The following CCDC60 variants were observed in gnomAD, a reference collection of about 807,000 sequenced individuals.
The protein encoded by CCDC60 is coiled-coil domain-containing protein 60.
CCDC60 carries 54 observed loss-of-function variants against 63.5 expected under a neutral mutation model. That is an observed-to-expected ratio of 0.85 (90% CI 0.68 to 1.07). The LOEUF (loss-of-function observed/expected upper bound fraction) is 1.07. CCDC60 is among the 50% of genes least tolerant of loss of function. The pLI, the probability that CCDC60 is intolerant of heterozygous loss-of-function variation, is 0.00. For synonymous variants in CCDC60, 206 were observed against 238.8 expected (o/e 0.86, Z 1.27); for missense variants, 651 against 684.3 (o/e 0.95, Z 0.54).
At chr12:119,519,399 ATATGTGTGTGTGTG>A (rs931587689) in intron 8 of CCDC60, among the ~76,000 whole-genome samples, 6 of 99,900 alleles carry the variant, frequency 6.0e-5, no homozygotes, top group Non-Finnish European at 1.2e-4. Context: ...GTAGTGATAT[ATATGTGTGTGTGTG>A]TGTGTGTGTG....
intron 4 of CCDC60, among the ~76,000 whole-genome samples, chr12:119,484,445 G>C (rs1951392225): frequency 2.0e-5 from 3 of 152,036 alleles, no homozygotes; most frequent in African/African-American, 7.2e-5. Context: ...TACAGGTGCA[G>C]TGGCTCACGT....
intron 2 of CCDC60, among the ~76,000 whole-genome samples, chr12:119,446,018 C>T (rs750923672): frequency 5.9e-5 from 9 of 152,072 alleles, no homozygotes; most frequent in African/African-American, 9.7e-5. Flanking sequence ...CAGATCACCA[C>T]TAAAGAACTT....
In CCDC60 at chr12:119,396,054, C is replaced by T. The variant is rs183572545; in HGVS notation, c.91-32629C>T. On this transcript the variant is annotated intron_variant, in intron 1 of 13. Transcript: ENST00000327554. ...CCGGGTTCAAGCGATTCCTCTCCCT[C>T]AGCCTCCCAAGTAGCTGGGATTACA... Among the ~76,000 whole-genome samples, 379 of 152,274 alleles carry T rather than the reference C, an allele frequency of 2.5e-3. 1 individual carries two copies. The highest frequency in any genetic ancestry group is 4.3e-3 in the Non-Finnish European group (293 of 68,016).
chr12:119,455,865 G>A (rs369289828), intron 2 of CCDC60, among the ~76,000 whole-genome samples: 1 of 146,430 alleles, frequency 6.8e-6, no homozygotes, highest in East Asian at 2.0e-4. Context: ...AAAGAAAAGG[G>A]AGGGAAGGAA....
intron 1 of CCDC60, among the ~76,000 whole-genome samples, chr12:119,397,587 C>CA (rs1464534529): frequency 6.6e-6 from 1 of 150,474 alleles, no homozygotes; most frequent in East Asian, 2.0e-4. Flanking sequence ...GTTGCATATA[C>CA]AATCTTCCAG....
At chr12:119,492,258 A>G (rs1421830453) in intron 5 of CCDC60, among the ~76,000 whole-genome samples, 1 of 152,188 alleles carries the variant, frequency 6.6e-6, no homozygotes, top group Non-Finnish European at 1.5e-5. Context: ...TAGGAGGTGA[A>G]GAACAATGAT....
chr12:119,531,059 T>C lies in CCDC60; in HGVS notation c.1547T>C (p.Ile516Thr), dbSNP rs748408744. Residue 516 changes from isoleucine (I) to threonine (T), a missense_variant, in exon 13 of 14, where the codon ATT becomes ACT. Coordinates refer to ENST00000327554, the MANE Select transcript of CCDC60 (RefSeq NM_178499.5). Reference sequence around the variant, plus strand: ...TGCTCCCCTGACATCGCTGTGGCTATTGAGGTAAACACCACCTCCTTCCCC... The same window carrying C: ...TGCTCCCCTGACATCGCTGTGGCTACTGAGGTAAACACCACCTCCTTCCCC... Reference protein sequence around the residue: ...ELCSPDIAVAIEFVREHIIHM... With the variant: ...ELCSPDIAVATEFVREHIIHM... 36 of 1,613,456 alleles carry C rather than the reference T, an allele frequency of 2.2e-5. No individual in the cohort carries two copies. The highest frequency in any genetic ancestry group is 6.6e-5 in the South Asian group (6 of 90,984).
chr12:119,375,432 A>G (rs1278465340), intron 1 of CCDC60, among the ~76,000 whole-genome samples: 1 of 152,204 alleles, frequency 6.6e-6, no homozygotes, highest in Non-Finnish European at 1.5e-5. Flanking sequence ...CTCACCAGCT[A>G]GTACACCATT....
chr12:119,418,660 C>T (rs1190586066), intron 1 of CCDC60, among the ~76,000 whole-genome samples: 2 of 151,936 alleles, frequency 1.3e-5, no homozygotes, highest in African/African-American at 4.8e-5. Context: ...GGTGATCCAC[C>T]CACCTCAACC....
chr12:119,515,209 C>T (rs759367335), intron 7 of CCDC60, among the ~76,000 whole-genome samples: 2 of 152,192 alleles, frequency 1.3e-5, no homozygotes, highest in African/African-American at 4.8e-5. Flanking sequence ...ATAAGGTCAT[C>T]GACTGAGGTC....
chr12:119,502,532 G>C (rs892038922), intron 6 of CCDC60, among the ~76,000 whole-genome samples: 1 of 152,198 alleles, frequency 6.6e-6, no homozygotes, highest in Non-Finnish European at 1.5e-5. Flanking sequence ...GCAAGCCAGT[G>C]CCTGTCACAT....
chr12:119,384,941 G>C (rs539451374), intron 1 of CCDC60, among the ~76,000 whole-genome samples: 8 of 152,160 alleles, frequency 5.3e-5, no homozygotes, highest in Middle Eastern at 3.2e-3. Context: ...ATTGAGTGGG[G>C]GGGCTGATAT....
At chr12:119,431,176 T>C (rs1950222308) in intron 2 of CCDC60, among the ~76,000 whole-genome samples, 2 of 152,240 alleles carry the variant, frequency 1.3e-5, no homozygotes, top group Middle Eastern at 3.4e-3. Flanking sequence ...GGAATTGCAA[T>C]AGAGAAAGAG....
intron 5 of CCDC60, among the ~76,000 whole-genome samples, chr12:119,489,129 C>A (rs747103466): frequency 1.8e-4 from 28 of 152,258 alleles, no homozygotes; most frequent in South Asian, 8.3e-4. Flanking sequence ...TTGAAATCAG[C>A]CAGCCACATG....
In CCDC60 at chr12:119,420,950, G is replaced by A. The variant is rs530030018; in HGVS notation, c.91-7733G>A. 3.9e-5 allele frequency among the ~76,000 whole-genome samples: 6 copies of A among 152,236 alleles called. No homozygotes were observed. The highest frequency in any genetic ancestry group is 1.9e-4 in the East Asian group (1 of 5,188). On this transcript the variant is annotated intron_variant, in intron 1 of 13. Transcript: ENST00000327554. This position sits in a 1 kb window ranked among gnomAD's most constrained non-coding sequence, Gnocchi z 4.1. Reference sequence around the variant, plus strand: ...ATGTGTGTACTCCTGCCATGATCCCGCCTACTCTGTTCTTTACAGCTTCTC... The same window carrying A: ...ATGTGTGTACTCCTGCCATGATCCCACCTACTCTGTTCTTTACAGCTTCTC...
intron 4 of CCDC60, among the ~76,000 whole-genome samples, chr12:119,481,984 AT>A (rs1270863890): frequency 7.4e-6 from 1 of 134,596 alleles, no homozygotes; most frequent in African/African-American, 2.7e-5. Flanking sequence ...TAGTATATAT[AT>A]GTATATATAT....
chr12:119,523,722 A>G lies in CCDC60; in HGVS notation c.1133A>G (p.Tyr378Cys), dbSNP rs1372846940. 14 of 1,614,118 alleles carry G rather than the reference A, an allele frequency of 8.7e-6. No homozygotes were observed. The highest frequency in any genetic ancestry group is 3.3e-5 in the South Asian group (3 of 91,078). ...NRTNCDINIH[Y>C]KSGVCNTMRA... ...ACTAATTGTGACATCAACATCCACT[A>G]CAAGAGTGGGGTGTGTAACACCATG... is the stretch of plus-strand genomic sequence containing the variant. The change falls in exon 11 of 14, where the codon TAC (tyrosine) becomes TGC (cysteine). Residue 378 changes from tyrosine to cysteine, a missense_variant. Tyr to Cys is a radical substitution (Grantham distance 194, BLOSUM62 -2). Coordinates refer to ENST00000327554, the MANE Select transcript of CCDC60 (RefSeq NM_178499.5).
At chr12:119,353,015 T>A (rs1178267226) in intron 1 of CCDC60, among the ~76,000 whole-genome samples, 1 of 152,138 alleles carries the variant, frequency 6.6e-6, no homozygotes, top group Non-Finnish European at 1.5e-5. Flanking sequence ...TTATGAGCCC[T>A]CCTTGCTACC....
At chr12:119,484,902 T>C (rs1374103141) in intron 4 of CCDC60, among the ~76,000 whole-genome samples, 1 of 152,084 alleles carries the variant, frequency 6.6e-6, no homozygotes, top group Non-Finnish European at 1.5e-5. Context: ...GAAAGTCAAG[T>C]AATCAGGTAG....
Sources: gnomAD v4.1 joint callset for allele counts (sites outside exome capture counted in the v4.1 genomes callset) on GRCh38, gnomAD v4.1.1 for gene constraint, Gnocchi (gnomAD v3.1) non-coding constraint, MANE v1.5 for transcripts, NCBI Gene and HGNC (gene_info 2026-07-23, HGNC 2026-07-21) for gene names.